Variants in DCAF6 observed in about 807,000 individuals in gnomAD.
The protein encoded by DCAF6 is DDB1- and CUL4-associated factor 6.
In DCAF6, 54 loss-of-function variants were observed where a neutral mutation model predicts 125.1. That is an observed-to-expected ratio of 0.43 (90% confidence interval 0.35 to 0.54). DCAF6 has a LOEUF of 0.54. DCAF6 is among the 20% of genes least tolerant of loss of function. The probability of loss-of-function intolerance (pLI) is 0.01; values close to 1 mark genes in which losing one functional copy is unlikely to be tolerated. For missense variants in DCAF6, 934 were observed against 1,161.7 expected (o/e 0.80, Z 2.85); for synonymous variants, 371 against 390.4 (o/e 0.95, Z 0.58).
the DCAF6 span, among the ~76,000 whole-genome samples, chr1:167,895,059 G>C: frequency 3.4e-4 from 52 of 151,782 alleles, no homozygotes; most frequent in Non-Finnish European, 6.0e-4. Flanking sequence ...GCACGCCTCT[G>C]TATTCCCAGC....
chr1:168,026,989 C>G (rs929624393), intron 12 of DCAF6, among the ~76,000 whole-genome samples: 1 of 151,828 alleles, frequency 6.6e-6, no homozygotes, highest in Non-Finnish European at 1.5e-5. Context: ...GAGAGAAGTA[C>G]GCAGGGCAGA....
the DCAF6 span, among the ~76,000 whole-genome samples, chr1:167,927,995 C>A: frequency 6.6e-6 from 1 of 151,964 alleles, no homozygotes; most frequent in African/African-American, 2.4e-5. Flanking sequence ...AAGATGTGGA[C>A]AAGTGACAAA....
the DCAF6 span, chr1:167,899,450 C>T: frequency 1.9e-6 from 3 of 1,614,234 alleles, no homozygotes; most frequent in Admixed American, 3.3e-5. Flanking sequence ...CTGGAACACT[C>T]TCAATTTCAA....
intron 12 of DCAF6, among the ~76,000 whole-genome samples, chr1:168,028,179 A>G (rs1686590266): frequency 6.6e-6 from 1 of 152,148 alleles, no homozygotes; most frequent in South Asian, 2.1e-4. Flanking sequence ...ATAAGAGGAA[A>G]AATTCTCTTC....
At chr1:167,960,281 A>G (rs887774515) in intron 2 of DCAF6, among the ~76,000 whole-genome samples, 1 of 151,512 alleles carries the variant, frequency 6.6e-6, no homozygotes, top group South Asian at 2.1e-4. Flanking sequence ...TTACAGTAAA[A>G]TTTTTATTAT....
chr1:167,955,371 G>A (rs1305554885), intron 2 of DCAF6, among the ~76,000 whole-genome samples: 6 of 151,778 alleles, frequency 4.0e-5, no homozygotes, highest in South Asian at 2.1e-4. Flanking sequence ...TCGTTGTACC[G>A]TTTAACATTC....
chr1:167,867,260 C>T, the DCAF6 span, among the ~76,000 whole-genome samples: 5 of 152,204 alleles, frequency 3.3e-5, no homozygotes, highest in African/African-American at 1.2e-4. Flanking sequence ...TCACCAACCT[C>T]TGCAAAGTGA....
intron 18 of DCAF6, among the ~76,000 whole-genome samples, chr1:168,065,227 AG>A (rs1221297289): frequency 6.6e-6 from 1 of 152,092 alleles, no homozygotes; most frequent in Non-Finnish European, 1.5e-5. Flanking sequence ...CCCTCTTCTT[AG>A]GGGGGATTTT....
the DCAF6 span, among the ~76,000 whole-genome samples, chr1:167,929,130 G>A: frequency 6.6e-6 from 1 of 151,636 alleles, no homozygotes; most frequent in African/African-American, 2.4e-5. Context: ...AGGCGGAGGT[G>A]GGCGGATCAC....
chr1:167,943,605 A>G (rs1025277649), intron 1 of DCAF6, among the ~76,000 whole-genome samples: 6 of 152,120 alleles, frequency 3.9e-5, no homozygotes, highest in African/African-American at 1.4e-4. Context: ...GAGGGCTTTT[A>G]AGGTATCCAT....
intron 9 of DCAF6, among the ~76,000 whole-genome samples, 174 bp from the exon 10 acceptor site, chr1:168,004,359 A>T (rs1683055422): frequency 6.6e-6 from 1 of 152,162 alleles, no homozygotes; most frequent in Non-Finnish European, 1.5e-5. Flanking sequence ...ATAAGTTTTT[A>T]TCCCTCTTGA....
At chr1:168,054,747 T>G (rs1690395902) in intron 17 of DCAF6, among the ~76,000 whole-genome samples, 1 of 152,126 alleles carries the variant, frequency 6.6e-6, no homozygotes, top group South Asian at 2.1e-4. Flanking sequence ...TGAGGTTTTC[T>G]TTTCTAAGAA....
In DCAF6 at chr1:168,075,654, G is replaced by A. The variant is rs758440158; in HGVS notation, c.*219G>A. The A allele has an allele frequency of 4.9e-5, 22 of 447,388 alleles. No homozygotes were observed. Among genetic ancestry groups the A allele is most frequent in the East Asian group, 4.1e-4 (11 of 26,924 alleles). 27.7% of individuals were successfully genotyped at this position (447,388 alleles called of 1,614,324 possible). A position where few individuals can be genotyped will look rare whatever the true frequency, so the allele number is the denominator to read the frequency against. ...CAGAATGTTTTTAAAACTTTTTGCC[G>A]TGTATGAGGAGTGCTAGAAAATGCA... On this transcript the variant is annotated 3_prime_UTR_variant, in exon 22 of 22. Transcript: ENST00000367840.
chr1:168,010,701 A>G (rs997124834), intron 10 of DCAF6, among the ~76,000 whole-genome samples: 2 of 152,140 alleles, frequency 1.3e-5, no homozygotes, highest in African/African-American at 2.4e-5. Context: ...CTAAAACTGT[A>G]TAGGTTAAAA....
intron 13 of DCAF6, among the ~76,000 whole-genome samples, chr1:168,038,783 T>C (rs1688145846): frequency 6.6e-6 from 1 of 152,034 alleles, no homozygotes; most frequent in Non-Finnish European, 1.5e-5. Flanking sequence ...CAAAAGATAA[T>C]ACTAATAATA....
At chr1:167,883,557 C>T in the DCAF6 span, 1 of 1,614,244 alleles carries the variant, frequency 6.2e-7, no homozygotes, top group South Asian at 1.1e-5. Flanking sequence ...GGTCTTCAAA[C>T]ATCAGGTTCA....
chr1:167,869,198 C>T, the DCAF6 span, among the ~76,000 whole-genome samples: 1 of 152,150 alleles, frequency 6.6e-6, no homozygotes, highest in Non-Finnish European at 1.5e-5. Flanking sequence ...ATTTAAAACT[C>T]TTATATAGGA....
chr1:168,072,294 TAAAAAAAAAAAAA>T (rs59674650), intron 21 of DCAF6, among the ~76,000 whole-genome samples: 71 of 41,012 alleles, frequency 1.7e-3, no homozygotes, highest in Admixed American at 3.3e-3. Context: ...AGAATCAGTC[TAAAAAAAAAAAAA>T]AAAAAAAAAA....
At chr1:167,876,824 C>T in the DCAF6 span, among the ~76,000 whole-genome samples, 2 of 152,202 alleles carry the variant, frequency 1.3e-5, no homozygotes, top group African/African-American at 4.8e-5. Context: ...TATCTGCAAA[C>T]ATAAGACATA....
Sources: allele counts gnomAD v4.1 joint callset (sites outside exome capture counted in the v4.1 genomes callset), GRCh38; gene constraint gnomAD v4.1.1; transcripts MANE v1.5; gene names NCBI Gene and HGNC (gene_info 2026-07-23, HGNC 2026-07-21).